RAD51B: variants seen among roughly 807,000 people sequenced by gnomAD.
The protein encoded by RAD51B is RAD51 paralog B, also known as DNA repair protein RAD51 homolog 2.
RAD51B carries 38 observed loss-of-function variants against 42.2 expected under a neutral mutation model. The observed-to-expected ratio is 0.90, with a 90% CI of 0.70 to 1.18. The LOEUF (loss-of-function observed/expected upper bound fraction) is 1.18, where lower values mean the gene tolerates loss of function less well. Among genes scored for constraint, RAD51B ranks in the 50% most tolerant of loss-of-function variants. The pLI is 0.00. For synonymous variants in RAD51B, 154 were observed against 145.2 expected, an observed-to-expected ratio of 1.06 and a Z score of -0.43; for missense variants, 373 against 400.7, an observed-to-expected ratio of 0.93 and a Z score of 0.59.
rs75642903 is a variant in RAD51B, at chr14:68,464,094, T to C, written c.958-4078T>C. Among the ~76,000 whole-genome samples, 197 of 152,344 alleles carry C rather than the reference T, an allele frequency of 1.3e-3. 1 individual carries two copies. The highest frequency in any genetic ancestry group is 4.7e-3 in the African/African-American group (194 of 41,582). On this transcript the variant is annotated intron_variant, in intron 9 of 10. Coordinates refer to ENST00000471583, the MANE Select transcript of RAD51B (RefSeq NM_133510.4). ...GGCATTTCATTTAGTTCAATAAAAT[T>C]GCATCCCAAACAATGTGTAGGATTT...
In RAD51B at chr14:67,881,095, A is replaced by G. The variant is rs184657977; in HGVS notation, c.453-4774A>G. Among the ~76,000 whole-genome samples, 8 of 152,334 alleles carry G rather than the reference A, an allele frequency of 5.3e-5. No homozygotes were observed. In the East Asian group the frequency reaches 1.5e-3, roughly 29 times the overall value. On this transcript the variant is annotated intron_variant, in intron 5 of 10. Coordinates refer to ENST00000471583, the MANE Select transcript of RAD51B (RefSeq NM_133510.4). ...GTTACTGTATTGAATAGGCAATTAC[A>G]ACACAATGGTAAGTATTTGTGTATC...
intron 7 of RAD51B, among the ~76,000 whole-genome samples, chr14:68,222,840 C>T (rs935666720): frequency 9.2e-5 from 14 of 152,220 alleles, no homozygotes; most frequent in African/African-American, 3.4e-4. Flanking sequence ...GACTCGTTAT[C>T]TCTTACAGAA....
chr14:68,245,947 C>A (rs937240863), intron 7 of RAD51B, among the ~76,000 whole-genome samples: 1 of 152,070 alleles, frequency 6.6e-6, no homozygotes, highest in East Asian at 1.9e-4. Context: ...AGTTTGTCAG[C>A]TGCTCTGGAA....
At chr14:68,194,466 A>G (rs979702507) in intron 7 of RAD51B, among the ~76,000 whole-genome samples, 15 of 152,206 alleles carry the variant, frequency 9.9e-5, no homozygotes, top group Non-Finnish European at 2.1e-4. Flanking sequence ...CAACAAAAAA[A>G]TGGTGTTAGT....
At chr14:68,652,388 T>A (rs1892720776) in intron 11 of RAD51B, among the ~76,000 whole-genome samples, 1 of 152,116 alleles carries the variant, frequency 6.6e-6, no homozygotes, top group South Asian at 2.1e-4. Context: ...TTTTTCCAGT[T>A]CAAAGGAAAG....
chr14:67,837,143 GCA>G (rs1018514123), intron 4 of RAD51B, among the ~76,000 whole-genome samples: 1 of 151,272 alleles, frequency 6.6e-6, no homozygotes, highest in Non-Finnish European at 1.5e-5. Flanking sequence ...TAATAAAAAT[GCA>G]CACACACACA....
At chr14:68,628,071 G>A (rs781429425) in intron 10 of RAD51B, among the ~76,000 whole-genome samples, 1 of 152,048 alleles carries the variant, frequency 6.6e-6, no homozygotes, top group Admixed American at 6.5e-5. Flanking sequence ...AGAAGCCCAC[G>A]CCTATCAAAA....
intron 10 of RAD51B, among the ~76,000 whole-genome samples, chr14:68,494,867 G>A (rs545594252): frequency 1.3e-5 from 2 of 152,050 alleles, no homozygotes; most frequent in African/African-American, 4.8e-5. Context: ...ATAGAAACAG[G>A]GACAGAAAAA....
chr14:68,293,550 G>T (rs1160895472), intron 8 of RAD51B, among the ~76,000 whole-genome samples: 1 of 152,052 alleles, frequency 6.6e-6, no homozygotes, highest in Non-Finnish European at 1.5e-5. Flanking sequence ...TGCCAAGTGT[G>T]CCACTCTTGG....
chr14:67,960,293 G>A (rs1160918141), intron 7 of RAD51B, among the ~76,000 whole-genome samples: 3 of 152,132 alleles, frequency 2.0e-5, no homozygotes, highest in Non-Finnish European at 4.4e-5. Context: ...CTTTATAAAT[G>A]GTTTGACACT....
intron 7 of RAD51B, among the ~76,000 whole-genome samples, chr14:68,064,232 A>G (rs1055852961): frequency 2.6e-5 from 4 of 152,182 alleles, no homozygotes; most frequent in Non-Finnish European, 5.9e-5. Context: ...TATAGTATTC[A>G]TGGCTAGCAA....
At chr14:68,062,073 T>C (rs1337889885) in intron 7 of RAD51B, among the ~76,000 whole-genome samples, 1 of 152,236 alleles carries the variant, frequency 6.6e-6, no homozygotes, top group Non-Finnish European at 1.5e-5. Flanking sequence ...GTACATTCCT[T>C]CTATACTGAA....
At chr14:68,358,051 G>C (rs1023796767) in intron 8 of RAD51B, among the ~76,000 whole-genome samples, 5 of 152,282 alleles carry the variant, frequency 3.3e-5, no homozygotes, top group Admixed American at 2.6e-4. Flanking sequence ...GATGGGGAAG[G>C]GCTGGTTGTT....
At chr14:68,673,152 C>T (rs1457686096) in intron 11 of RAD51B, among the ~76,000 whole-genome samples, 1 of 152,186 alleles carries the variant, frequency 6.6e-6, no homozygotes, top group African/African-American at 2.4e-5. Context: ...AAAAGTTGTA[C>T]CTGTTTTCAC....
At chr14:67,855,154 T>A (rs541824995) in intron 4 of RAD51B, among the ~76,000 whole-genome samples, 1 of 152,066 alleles carries the variant, frequency 6.6e-6, no homozygotes. Context: ...TGCCTTGGCC[T>A]CCCAAAGTGC....
chr14:68,625,941 C>T (rs1258058098), intron 10 of RAD51B, among the ~76,000 whole-genome samples: 2 of 152,200 alleles, frequency 1.3e-5, no homozygotes, highest in Non-Finnish European at 2.9e-5. Flanking sequence ...GAGGTTCAGA[C>T]TCCCCCATGG....
chr14:68,450,206 CTTTTTTT>C (rs67536658), intron 9 of RAD51B, among the ~76,000 whole-genome samples: 8 of 47,904 alleles, frequency 1.7e-4, no homozygotes, highest in Admixed American at 3.2e-4. Flanking sequence ...GAGCTTAGGG[CTTTTTTT>C]TTTTTTTTTT....
intron 8 of RAD51B, among the ~76,000 whole-genome samples, chr14:68,380,051 G>T (rs961533411): frequency 2.0e-5 from 3 of 152,150 alleles, no homozygotes; most frequent in Non-Finnish European, 4.4e-5. Context: ...TATACACATT[G>T]TTCCTGGAAC....
At chr14:68,334,598 T>C (rs554521415) in intron 8 of RAD51B, among the ~76,000 whole-genome samples, 1 of 152,250 alleles carries the variant, frequency 6.6e-6, no homozygotes, top group South Asian at 2.1e-4. Flanking sequence ...CCTGTGTTGT[T>C]CAAGCATCAG....
Sources: gnomAD v4.1 joint callset for allele counts (sites outside exome capture counted in the v4.1 genomes callset) on GRCh38, gnomAD v4.1.1 for gene constraint, MANE v1.5 for transcripts, NCBI Gene and HGNC (gene_info 2026-07-23, HGNC 2026-07-21) for gene names.